LRCH1: variants seen among roughly 807,000 people sequenced by gnomAD.
LRCH1 encodes the protein leucine rich repeats and calponin homology domain containing 1, also known as leucine-rich repeat and calponin homology domain-containing protein 1.
LRCH1 carries 23 observed loss-of-function variants against 94.9 expected under a neutral mutation model. The ratio of observed to expected loss-of-function variants is 0.24; its 90% CI spans 0.17 to 0.34. The LOEUF is 0.34. LRCH1 is among the 10% of genes least tolerant of loss of function. The probability of loss-of-function intolerance (pLI) is 1.00; values close to 1 mark genes in which losing one functional copy is unlikely to be tolerated. For synonymous variants in LRCH1, 364 were observed against 354.9 expected (o/e 1.03, Z -0.29); for missense variants, 790 against 945.9 (o/e 0.84, Z 2.16).
chr13:46,643,385 C>G (rs2051182384), intron 1 of LRCH1, among the ~76,000 whole-genome samples: 1 of 152,194 alleles, frequency 6.6e-6, no homozygotes, highest in Admixed American at 6.5e-5. Flanking sequence ...GGACTGCCCT[C>G]TCATGTCTTT....
Position 46,743,020 on chromosome 13 carries a change from G to A in LRCH1, c.*1172G>A. The stretch of plus-strand genomic sequence containing the variant: ...AAAAAAAAGAATTTTATCTTAGCCA[G>A]AATGTCCCTGGATTCAGGGGTGTCT... On this transcript the variant is annotated 3_prime_UTR_variant, in exon 20 of 20. Transcript: ENST00000389797. 1 of 985,402 alleles carries A rather than the reference G, an allele frequency of 1.0e-6. No homozygotes were observed. The highest frequency in any genetic ancestry group is 1.7e-5 in the African/African-American group (1 of 57,364). The allele number at this position is 985,402 out of a possible 1,614,324, so 61.0% of individuals were successfully genotyped here. A position where few individuals can be genotyped will look rare whatever the true frequency, so the allele number is the denominator to read the frequency against.
At chr13:46,651,661 C>CA (rs754716387) in intron 2 of LRCH1, among the ~76,000 whole-genome samples, 288 of 108,322 alleles carry the variant, frequency 2.7e-3, no homozygotes, top group African/African-American at 5.5e-3. Context: ...AACTCCATGT[C>CA]AAAAAAAAAA....
At position 46,593,283 on chromosome 13, in the gene LRCH1, C is replaced by CT. The variant is rs34821427; in HGVS notation, c.307+39598dup. Among the ~76,000 whole-genome samples the CT allele has an allele frequency of 2.9e-3, 265 of 92,192 alleles. 3 individuals are homozygous for CT. The highest frequency in any genetic ancestry group is 6.5e-3 in the Middle Eastern group (1 of 154). The allele number at this position is 92,192 out of a possible 152,430, so 60.5% of individuals were successfully genotyped here. On this transcript the variant is annotated intron_variant, in intron 1 of 19. Transcript: ENST00000389797. ...AAGAGGTTTTTTCTTTCTTTCTTTC[C>CT]TTTTTTTTTTTTTTTTTTGTCCATT...
intron 1 of LRCH1, among the ~76,000 whole-genome samples, chr13:46,645,836 C>T (rs950118117): frequency 6.6e-6 from 1 of 152,192 alleles, no homozygotes; most frequent in African/African-American, 2.4e-5. Context: ...GAAACACTCT[C>T]ATTACCTAAA....
chr13:46,574,822 G>GTTTTTTTTT (rs754195815), intron 1 of LRCH1, among the ~76,000 whole-genome samples: 2 of 69,432 alleles, frequency 2.9e-5, no homozygotes, highest in African/African-American at 7.1e-5. Flanking sequence ...TGTGTGTGGG[G>GTTTTTTTTT]TTTTTTTTTT....
At chr13:46,620,368 A>G (rs977266940) in intron 1 of LRCH1, among the ~76,000 whole-genome samples, 1 of 152,120 alleles carries the variant, frequency 6.6e-6, no homozygotes, top group Non-Finnish European at 1.5e-5. Flanking sequence ...GTCTCAAAAA[A>G]AAAAAAAAGC....
chr13:46,593,966 C>G (rs908042983), intron 1 of LRCH1, among the ~76,000 whole-genome samples: 5 of 152,046 alleles, frequency 3.3e-5, no homozygotes, highest in South Asian at 2.1e-4. Flanking sequence ...TTGATAGAGT[C>G]TTAGGTCTAT....
chr13:46,565,051 A>G (rs1224089935), intron 1 of LRCH1, among the ~76,000 whole-genome samples: 2 of 152,144 alleles, frequency 1.3e-5, no homozygotes, highest in Non-Finnish European at 2.9e-5. Flanking sequence ...CTACTACTTC[A>G]CTTCCCTGAG....
intron 1 of LRCH1, among the ~76,000 whole-genome samples, chr13:46,629,678 G>C (rs2050995935): frequency 6.6e-6 from 1 of 152,200 alleles, no homozygotes; most frequent in Admixed American, 6.5e-5. Flanking sequence ...CTGGGAAATG[G>C]GGGAGAATAG....
At chr13:46,629,696 A>T (rs2050996049) in intron 1 of LRCH1, among the ~76,000 whole-genome samples, 1 of 152,210 alleles carries the variant, frequency 6.6e-6, no homozygotes, top group Non-Finnish European at 1.5e-5. Flanking sequence ...TAGGAGCAGG[A>T]ACACAAATGA....
intron 16 of LRCH1, among the ~76,000 whole-genome samples, 166 bp from the exon 17 acceptor site, chr13:46,723,055 T>C (rs1445990569): frequency 1.3e-5 from 2 of 152,254 alleles, no homozygotes; most frequent in East Asian, 1.9e-4. Context: ...TATTGTCTCT[T>C]TTAAAATACT....
chr13:46,719,921 C>T (rs895277766), intron 16 of LRCH1, among the ~76,000 whole-genome samples: 3 of 152,152 alleles, frequency 2.0e-5, no homozygotes, highest in Admixed American at 1.3e-4. Flanking sequence ...TCTCTTGAAC[C>T]TGGGAGGCGG....
chr13:46,673,166 G>A (rs1392274115), intron 3 of LRCH1, among the ~76,000 whole-genome samples: 1 of 152,044 alleles, frequency 6.6e-6, no homozygotes, highest in African/African-American at 2.4e-5. Context: ...AATCCTGTGT[G>A]TATGTAACTC....
At chr13:46,657,497 T>TTTC (rs2051387564) in intron 2 of LRCH1, among the ~76,000 whole-genome samples, 2 of 111,058 alleles carry the variant, frequency 1.8e-5, no homozygotes, top group African/African-American at 3.4e-5. Flanking sequence ...TTTCTTTTCT[T>TTTC]TTCTTTTTTT....
chr13:46,728,764 G>T, intron 17 of LRCH1, 83 bp from the exon 18 acceptor site: 1 of 1,303,274 alleles, frequency 7.7e-7, no homozygotes, highest in South Asian at 1.9e-5. Flanking sequence ...TAGTGCCTCA[G>T]TTCATAAATA....
chr13:46,725,628 A>G lies in LRCH1; in HGVS notation c.1869+2298A>G, dbSNP rs923591991. On this transcript the variant is annotated intron_variant, in intron 17 of 19. Coordinates refer to ENST00000389797, the MANE Select transcript of LRCH1 (RefSeq NM_001164211.2). ...TATAAACAAAATTTAGATTAAATTAAATTAGGATAGGTCAGCCTCTTTGTT... is the reference window on the plus strand; with the variant it reads ...TATAAACAAAATTTAGATTAAATTAGATTAGGATAGGTCAGCCTCTTTGTT... Among the ~76,000 whole-genome samples the G allele has an allele frequency of 6.6e-5, 10 of 152,386 alleles. No individual in the cohort carries two copies. The East Asian group carries it at 1.9e-3, about 29-fold the overall frequency.
At chr13:46,628,826 C>A (rs1164152393) in intron 1 of LRCH1, among the ~76,000 whole-genome samples, 1 of 152,062 alleles carries the variant, frequency 6.6e-6, no homozygotes, top group Non-Finnish European at 1.5e-5. Flanking sequence ...GGAGACAAAT[C>A]GTGGATGAAC....
intron 1 of LRCH1, among the ~76,000 whole-genome samples, chr13:46,592,008 A>T (rs940197144): frequency 1.3e-5 from 2 of 152,206 alleles, no homozygotes; most frequent in African/African-American, 4.8e-5. Context: ...AAAATAGAGT[A>T]TTGTTTTAAA....
At chr13:46,705,203 A>G (rs1871690850) in intron 12 of LRCH1, 46 bp downstream of exon 12, 2 of 1,588,702 alleles carry the variant, frequency 1.3e-6, no homozygotes, top group Non-Finnish European at 1.7e-6. Flanking sequence ...TTTTCATAAT[A>G]CATTGACATT....
Sources: allele counts gnomAD v4.1 joint callset (sites outside exome capture counted in the v4.1 genomes callset), GRCh38; gene constraint gnomAD v4.1.1; transcripts MANE v1.5; gene names NCBI Gene and HGNC (gene_info 2026-07-23, HGNC 2026-07-21).